Variants in CWC25 observed in about 807,000 individuals in gnomAD.
CWC25 encodes the protein CWC25 spliceosome associated protein.
In CWC25, 31 loss-of-function variants were observed where a neutral mutation model predicts 54.6. The ratio of observed to expected loss-of-function variants is 0.57; its 90% CI spans 0.43 to 0.77. The LOEUF is 0.77. Ranked by LOEUF, CWC25 falls within the 30% of genes least tolerant of loss-of-function variation. The probability of loss-of-function intolerance (pLI) is 0.00; values close to 1 mark genes in which losing one functional copy is unlikely to be tolerated. For missense variants in CWC25, 453 were observed against 529.3 expected, an observed-to-expected ratio of 0.86 and a Z score of 1.41; for synonymous variants, 151 against 187.0, an observed-to-expected ratio of 0.81 and a Z score of 1.57.
chr17:38,815,002 A>T lies in CWC25; in HGVS notation c.287T>A (p.Val96Asp). The change falls in exon 3 of 10, where the codon GTT (valine) becomes GAT (aspartate). Residue 96 changes from valine to aspartate, a missense_variant. Coordinates refer to ENST00000614790, the MANE Select transcript of CWC25 (RefSeq NM_017748.5). ...CTCCTTCTCCTCCATCTTCTCAAAAACATATTTGTCAATGGGGCGCCCCAG... is the reference window on the plus strand; with the variant it reads ...CTCCTTCTCCTCCATCTTCTCAAAATCATATTTGTCAATGGGGCGCCCCAG... ...YLLGRPIDKY[V>D]FEKMEEKEAG... The T allele has an allele frequency of 6.2e-7, 1 of 1,613,796 alleles. No individual in the cohort carries two copies. Among genetic ancestry groups the T allele is most frequent in the Non-Finnish European group, 8.5e-7 (1 of 1,179,866 alleles).
chr17:38,809,030 T>A (rs1377382929), intron 6 of CWC25, among the ~76,000 whole-genome samples: 2 of 148,012 alleles, frequency 1.4e-5, no homozygotes, highest in African/African-American at 5.0e-5. Flanking sequence ...GAAGATTGCT[T>A]AAGCTCAGGA....
chr17:38,808,004 C>T (rs1226200245), intron 6 of CWC25, among the ~76,000 whole-genome samples: 1 of 130,730 alleles, frequency 7.6e-6, no homozygotes, highest in African/African-American at 2.8e-5. Context: ...TGCAGTGAGC[C>T]GAGATGGCGC....
chr17:38,806,724 C>T, intron 7 of CWC25, 41 bp downstream of exon 7: 1 of 1,500,716 alleles, frequency 6.7e-7, no homozygotes, highest in Non-Finnish European at 8.9e-7. Context: ...GGACCAGGCC[C>T]CCACAGTCAC....
In CWC25 at chr17:38,806,428, G is replaced by C. The variant is rs112815253; in HGVS notation, c.903-33C>G. On this transcript the variant is annotated intron_variant, in intron 7 of 9. Coordinates refer to ENST00000614790, the MANE Select transcript of CWC25 (RefSeq NM_017748.5). The stretch of plus-strand genomic sequence containing the variant: ...AGACACAGAAGGCAAAGAGGAAAAA[G>C]CCTTTTTGGTCCAGGGGCTTACACT... 4,050 of 1,577,522 alleles carry C rather than the reference G, an allele frequency of 2.6e-3. 7 individuals carry two copies. The highest frequency in any genetic ancestry group is 3.2e-3 in the Non-Finnish European group (3,692 of 1,151,990).
chr17:38,819,903 C>T (rs1241359397), intron 2 of CWC25, among the ~76,000 whole-genome samples: 2 of 151,942 alleles, frequency 1.3e-5, no homozygotes, highest in African/African-American at 2.4e-5. Flanking sequence ...AACTCCTGAC[C>T]TCAAGTGATC....
In CWC25 at chr17:38,801,871, G is replaced by A. The variant is rs1268582949; in HGVS notation, c.*221C>T. 1.4e-5 allele frequency: 6 copies of A among 422,080 alleles called. No homozygotes were observed. Among genetic ancestry groups the A allele is most frequent in the African/African-American group, 6.1e-5 (3 of 49,390 alleles). The allele number at this position is 422,080 out of a possible 1,614,324, so 26.1% of individuals were successfully genotyped here. A position where few individuals can be genotyped will look rare whatever the true frequency, so the allele number is the denominator to read the frequency against. Reference sequence around the variant, plus strand: ...CACCGAGATGGTCCAGTGCCCACCCGTTAAAGAGTCAAAACCCAAAGTTAC... The same window carrying A: ...CACCGAGATGGTCCAGTGCCCACCCATTAAAGAGTCAAAACCCAAAGTTAC... On this transcript the variant is annotated 3_prime_UTR_variant, in exon 10 of 10. Transcript: ENST00000614790.
intron 2 of CWC25, among the ~76,000 whole-genome samples, chr17:38,816,088 A>G (rs1911686950): frequency 6.6e-6 from 1 of 152,184 alleles, no homozygotes; most frequent in African/African-American, 2.4e-5. Context: ...AAGTGGTGAG[A>G]AAGTGGAACC....
At chr17:38,815,609 G>C in intron 2 of CWC25, 3 of 1,035,616 alleles carry the variant, frequency 2.9e-6, no homozygotes, top group Non-Finnish European at 4.0e-6. Context: ...TGAATGGAGA[G>C]AGAATATTCA....
At chr17:38,820,502 C>T (rs539055105) in intron 2 of CWC25, among the ~76,000 whole-genome samples, 11 of 152,200 alleles carry the variant, frequency 7.2e-5, no homozygotes, top group Admixed American at 2.0e-4. Context: ...CTGTCCCCGC[C>T]GACCCAAGCA....
chr17:38,820,497 C>T (rs1181090920), intron 2 of CWC25, among the ~76,000 whole-genome samples: 1 of 152,042 alleles, frequency 6.6e-6, no homozygotes, highest in Non-Finnish European at 1.5e-5. Flanking sequence ...GCCCCCTGTC[C>T]CCGCCGACCC....
At chr17:38,811,321 C>T (rs145012640) in intron 4 of CWC25, among the ~76,000 whole-genome samples, 1 of 151,910 alleles carries the variant, frequency 6.6e-6, no homozygotes, top group Non-Finnish European at 1.5e-5. Flanking sequence ...ATCACAAGGT[C>T]AGGAGAAGGA....
chr17:38,804,786 C>T (rs1163649172), intron 8 of CWC25, among the ~76,000 whole-genome samples: 3 of 109,314 alleles, frequency 2.7e-5, no homozygotes, highest in African/African-American at 7.8e-5. Context: ...GCAGCCTGGG[C>T]GACAGAGCGA....
intron 1 of CWC25, among the ~76,000 whole-genome samples, chr17:38,822,306 G>A (rs530088898): frequency 5.9e-5 from 9 of 152,116 alleles, no homozygotes; most frequent in African/African-American, 9.6e-5. Flanking sequence ...CAGGTGATCC[G>A]CCTGCCTTGG....
Position 38,812,864 on chromosome 17 carries a change from C to T in CWC25, c.429G>A (p.Arg143=). The T allele has an allele frequency of 6.7e-7, 1 of 1,487,308 alleles. No individual in the cohort carries two copies. Among genetic ancestry groups the T allele is most frequent in the Non-Finnish European group, 9.2e-7 (1 of 1,090,662 alleles). The allele number at this position is 1,487,308 out of a possible 1,614,324, so 92.1% of individuals were successfully genotyped here. The part of the protein sequence containing the change: ...KIREDPLFII[R]KKEEEKKREV... ...CTCGTTTTTTCTCCTCCTCCTTCTT[C>T]CTAAAGAGAGATAATTACAAAATTC... Residue 143 remains arginine, a splice_region_variant and synonymous_variant, in exon 4 of 10, where the codon AGG becomes AGA. Coordinates refer to ENST00000614790, the MANE Select transcript of CWC25 (RefSeq NM_017748.5).
At chr17:38,817,862 A>C (rs1359658937) in intron 2 of CWC25, among the ~76,000 whole-genome samples, 4 of 152,106 alleles carry the variant, frequency 2.6e-5, no homozygotes, top group Admixed American at 1.3e-4. Context: ...GCTACTCAGC[A>C]GACTGAAGCA....
chr17:38,818,191 G>A (rs894803416), intron 2 of CWC25, among the ~76,000 whole-genome samples: 2 of 151,560 alleles, frequency 1.3e-5, no homozygotes, highest in African/African-American at 2.4e-5. Context: ...CAAGAGACCC[G>A]CTTGAACCCA....
intron 2 of CWC25, among the ~76,000 whole-genome samples, chr17:38,818,315 C>G (rs1182702068): frequency 6.6e-6 from 1 of 151,346 alleles, no homozygotes; most frequent in African/African-American, 2.4e-5. Context: ...TAAAACCAGC[C>G]GGGCACTGTG....
At chr17:38,821,995 C>T (rs998085623) in intron 1 of CWC25, among the ~76,000 whole-genome samples, 1 of 151,908 alleles carries the variant, frequency 6.6e-6, no homozygotes, top group African/African-American at 2.4e-5. Flanking sequence ...GTCTCAAACG[C>T]CTGACCTCAT....
At chr17:38,805,230 G>A (rs1055900448) in intron 8 of CWC25, among the ~76,000 whole-genome samples, 1 of 152,140 alleles carries the variant, frequency 6.6e-6, no homozygotes, top group Non-Finnish European at 1.5e-5. Context: ...AGCCAAGATT[G>A]TGGCACTGCA....
Sources: gnomAD v4.1 joint callset for allele counts (sites outside exome capture counted in the v4.1 genomes callset) on GRCh38, gnomAD v4.1.1 for gene constraint, MANE v1.5 for transcripts, NCBI Gene and HGNC (gene_info 2026-07-23, HGNC 2026-07-21) for gene names.